The following IL15 variants were observed in gnomAD, a reference collection of about 807,000 sequenced individuals.
IL15 encodes the protein interleukin-15.
In IL15, 11 loss-of-function variants were observed where a neutral mutation model predicts 19.6. The observed-to-expected ratio is 0.56, with a 90% confidence interval of 0.35 to 0.93. The LOEUF (loss-of-function observed/expected upper bound fraction) is 0.93, where lower values mean the gene tolerates loss of function less well. IL15 is among the 40% of genes least tolerant of loss of function. IL15 has a pLI of 0.01. For missense variants in IL15, 197 were observed against 186.5 expected (o/e 1.06, Z -0.33); for synonymous variants, 58 against 59.6 (o/e 0.97, Z 0.12).
intron 2 of IL15, among the ~76,000 whole-genome samples, chr4:141,680,927 A>T (rs1397254263): frequency 6.6e-6 from 1 of 152,148 alleles, no homozygotes; most frequent in Non-Finnish European, 1.5e-5. Context: ...CATTTTGGAG[A>T]GATTTGTATT....
intron 2 of IL15, among the ~76,000 whole-genome samples, chr4:141,690,758 C>T (rs115920742): frequency 2.1e-3 from 323 of 152,274 alleles, no homozygotes; most frequent in African/African-American, 7.0e-3. Flanking sequence ...TCAAGAAAGA[C>T]TCTCCATGAC....
intron 1 of IL15, among the ~76,000 whole-genome samples, chr4:141,652,423 T>G (rs1176711255): frequency 2.0e-5 from 3 of 152,122 alleles, no homozygotes; most frequent in African/African-American, 7.2e-5. Flanking sequence ...ACACTGCTAG[T>G]TGCCAAATAA....
intron 7 of IL15, among the ~76,000 whole-genome samples, chr4:141,732,460 T>C (rs1178706663): frequency 2.6e-5 from 4 of 152,264 alleles, no homozygotes; most frequent in Middle Eastern, 3.4e-3. Context: ...AAGCAGATGA[T>C]AGGAAACCAT....
intron 2 of IL15, among the ~76,000 whole-genome samples, chr4:141,684,502 G>C (rs17007541): frequency 0.022 from 3,404 of 152,220 alleles, 132 homozygotes; most frequent in African/African-American, 0.077. Context: ...AGATTCCTCC[G>C]TTTGGCTTTG....
At chr4:141,665,901 A>G (rs964968494) in intron 2 of IL15, among the ~76,000 whole-genome samples, 22 of 152,226 alleles carry the variant, frequency 1.4e-4, no homozygotes, top group African/African-American at 5.1e-4. Context: ...GACTAAAACA[A>G]TAAGTATATG....
chr4:141,688,410 A>T (rs1235022683), intron 2 of IL15, among the ~76,000 whole-genome samples: 1 of 152,166 alleles, frequency 6.6e-6, no homozygotes, highest in Admixed American at 6.5e-5. Context: ...CGCTTTAAAA[A>T]CGTGATCCAA....
chr4:141,690,596 A>G (rs149685641), intron 2 of IL15, among the ~76,000 whole-genome samples: 1,736 of 152,330 alleles, frequency 0.011, 15 homozygotes, highest in Non-Finnish European at 0.02. Context: ...TTAGGTTCTT[A>G]TGCGGACTAC....
At chr4:141,681,125 T>C (rs1298201129) in intron 2 of IL15, among the ~76,000 whole-genome samples, 1 of 152,186 alleles carries the variant, frequency 6.6e-6, no homozygotes, top group African/African-American at 2.4e-5. Context: ...TTACCTTAAT[T>C]GAGTACAGTC....
chr4:141,704,020 C>T (rs1225894832), intron 2 of IL15, among the ~76,000 whole-genome samples: 3 of 152,168 alleles, frequency 2.0e-5, no homozygotes, highest in Non-Finnish European at 4.4e-5. Flanking sequence ...GACAATTTGA[C>T]TTCCTCCTTT....
chr4:141,718,493 C>T (rs1729966631), intron 2 of IL15: 1 of 152,106 alleles, frequency 6.6e-6, no homozygotes, highest in South Asian at 2.1e-4. Flanking sequence ...TCATATGTAA[C>T]AGGAATATTA....
intron 2 of IL15, among the ~76,000 whole-genome samples, chr4:141,668,740 G>A (rs1051365633): frequency 2.6e-5 from 4 of 152,104 alleles, no homozygotes; most frequent in African/African-American, 9.7e-5. Flanking sequence ...CTCCTGTTTA[G>A]CCTCCATTGA....
chr4:141,689,996 C>T (rs1368924938), intron 2 of IL15, among the ~76,000 whole-genome samples: 1 of 152,236 alleles, frequency 6.6e-6, no homozygotes, highest in Non-Finnish European at 1.5e-5. Flanking sequence ...GTCCCGAGCC[C>T]TGCCCTGCAG....
chr4:141,689,881 G>T (rs1448250409), intron 2 of IL15, among the ~76,000 whole-genome samples: 3 of 152,208 alleles, frequency 2.0e-5, no homozygotes, highest in Non-Finnish European at 4.4e-5. Flanking sequence ...TTGGGTGGTC[G>T]ATGGGACTGG....
intron 2 of IL15, among the ~76,000 whole-genome samples, chr4:141,659,699 C>T (rs980074752): frequency 6.6e-6 from 1 of 152,180 alleles, no homozygotes; most frequent in Non-Finnish European, 1.5e-5. Flanking sequence ...CTGATCAATT[C>T]TGTGGCAAAT....
intron 6 of IL15, 62 bp from the exon 7 acceptor site, chr4:141,729,785 A>G: frequency 3.4e-6 from 3 of 893,202 alleles, no homozygotes; most frequent in Non-Finnish European, 5.3e-6. Context: ...AATCAAAATT[A>G]CATCAGTATG....
chr4:141,721,295 C>A lies in IL15; in HGVS notation c.111-629C>A. The A allele has an allele frequency of 4.4e-6, 3 of 678,480 alleles. No homozygotes were observed. In the South Asian group the frequency reaches 4.8e-5, roughly 11 times the overall value. The allele number at this position is 678,480 out of a possible 1,614,324, so 42.0% of individuals were successfully genotyped here. A position where few individuals can be genotyped will look rare whatever the true frequency, so the allele number is the denominator to read the frequency against. On this transcript the variant is annotated intron_variant, in intron 4 of 7. Transcript: ENST00000320650. ...AAGCATCATTCCAATGTTACTTGGT[C>A]AGTATAAGTGTATTTTGTCTGGATA...
rs1267387004 is a variant in IL15 at position 141,666,162 on chromosome 4, A to G, written c.-100+9855A>G. Among the ~76,000 whole-genome samples the G allele has an allele frequency of 5.3e-5, 8 of 151,480 alleles. No individual in the cohort carries two copies. In the South Asian group the frequency reaches 1.0e-3, roughly 20 times the overall value. Reference sequence around the variant, plus strand: ...GTCGCCCAGGCTGGAGTGCAGTGGCACGATCTCGGCTCACTGCAAGCTCCG... The same window carrying G: ...GTCGCCCAGGCTGGAGTGCAGTGGCGCGATCTCGGCTCACTGCAAGCTCCG... On this transcript the variant is annotated intron_variant, in intron 2 of 7. Transcript: ENST00000320650.
intron 1 of IL15, among the ~76,000 whole-genome samples, chr4:141,641,632 A>C (rs1447650236): frequency 1.4e-5 from 2 of 144,944 alleles, no homozygotes; most frequent in Non-Finnish European, 3.0e-5. Context: ...ATAGGTGGGA[A>C]TTGAACAATG....
At chr4:141,714,974 C>G (rs139756827) in intron 2 of IL15, 3 of 152,198 alleles carry the variant, frequency 2.0e-5, no homozygotes, top group South Asian at 4.2e-4. Flanking sequence ...ATCTAATGAG[C>G]CTTTCAAACT....
Sources: allele counts gnomAD v4.1 joint callset (sites outside exome capture counted in the v4.1 genomes callset), GRCh38; gene constraint gnomAD v4.1.1; transcripts MANE v1.5; gene names NCBI Gene and HGNC (gene_info 2026-07-23, HGNC 2026-07-21).